GBE1: variants seen among roughly 807,000 people sequenced by gnomAD.
GBE1 encodes the protein 1,4-alpha-glucan-branching enzyme.
Under a neutral mutation model 88.8 loss-of-function variants are expected in GBE1, and 70 were observed. That is an observed-to-expected ratio of 0.79 (90% confidence interval 0.65 to 0.96). The LOEUF (loss-of-function observed/expected upper bound fraction) is 0.96. GBE1 is among the 40% of genes least tolerant of loss of function. The probability of loss-of-function intolerance (pLI) is 0.00; values close to 1 mark genes in which losing one functional copy is unlikely to be tolerated. For synonymous variants in GBE1, 284 were observed against 300.1 expected (o/e 0.95, Z 0.56); for missense variants, 872 against 871.0 (o/e 1.00, Z -0.01).
chr3:81,597,505 A>C (rs191394859), intron 7 of GBE1, among the ~76,000 whole-genome samples: 244 of 146,022 alleles, frequency 1.7e-3, no homozygotes, highest in African/African-American at 5.9e-3. Flanking sequence ...ATATATATAT[A>C]TCTCATTGGT....
intron 2 of GBE1, among the ~76,000 whole-genome samples, chr3:81,689,623 G>T (rs1705489531): frequency 6.6e-6 from 1 of 152,044 alleles, no homozygotes; most frequent in South Asian, 2.1e-4. Flanking sequence ...AAGGCCCTGC[G>T]TTATCATCTC....
chr3:81,542,018 T>G (rs1703148620), intron 12 of GBE1, among the ~76,000 whole-genome samples: 1 of 152,114 alleles, frequency 6.6e-6, no homozygotes, highest in Admixed American at 6.6e-5. Flanking sequence ...AATCTGTTTT[T>G]CTTTTGATAA....
intron 7 of GBE1, among the ~76,000 whole-genome samples, chr3:81,628,742 C>CATATATATAT (rs71108330): frequency 0.015 from 946 of 65,198 alleles, 39 homozygotes; most frequent in Non-Finnish European, 0.016. Context: ...AGAACAATTG[C>CATATATATAT]ATATATATAT....
intron 12 of GBE1, among the ~76,000 whole-genome samples, chr3:81,540,627 A>G (rs1288690275): frequency 6.6e-6 from 1 of 152,092 alleles, no homozygotes; most frequent in East Asian, 1.9e-4. Flanking sequence ...CTTTCTTTAA[A>G]GTGCTGAAGT....
chr3:81,718,942 G>GT (rs1705981563), intron 1 of GBE1, among the ~76,000 whole-genome samples: 3 of 151,824 alleles, frequency 2.0e-5, no homozygotes, highest in African/African-American at 4.8e-5. Context: ...GCCCACCCCA[G>GT]TAAGTTTTGC....
intron 7 of GBE1, among the ~76,000 whole-genome samples, chr3:81,623,284 T>G (rs537101544): frequency 5.9e-5 from 9 of 152,194 alleles, no homozygotes; most frequent in Non-Finnish European, 1.3e-4. Context: ...GACTTCACAA[T>G]TGCTTTTCTC....
chr3:81,650,790 G>C (rs567825889), intron 3 of GBE1, among the ~76,000 whole-genome samples: 1 of 152,014 alleles, frequency 6.6e-6, no homozygotes, highest in Admixed American at 6.6e-5. Flanking sequence ...TCAGCCTTTC[G>C]AGGAGCTGGG....
rs530860063 is a variant in GBE1, at chr3:81,567,347, G to C, written c.1618+10578C>G. 3.3e-5 allele frequency among the ~76,000 whole-genome samples: 5 copies of C among 152,196 alleles called. No individual in the cohort carries two copies. In the South Asian group the frequency reaches 8.3e-4, roughly 25 times the overall value. ...GATATCAGTGTTCCTCTGGGATCCT[G>C]GACTTTCTTTTCTTCCTGGTTCATG... On this transcript the variant is annotated intron_variant, in intron 12 of 15. Coordinates refer to ENST00000429644, the MANE Select transcript of GBE1 (RefSeq NM_000158.4).
At chr3:81,555,354 G>A (rs1319454156) in intron 12 of GBE1, among the ~76,000 whole-genome samples, 3 of 151,956 alleles carry the variant, frequency 2.0e-5, no homozygotes, top group Admixed American at 1.3e-4. Flanking sequence ...CCTCCATATA[G>A]GTAAACCATA....
chr3:81,678,252 T>C (rs1705290616), intron 2 of GBE1, among the ~76,000 whole-genome samples: 1 of 152,122 alleles, frequency 6.6e-6, no homozygotes, highest in Non-Finnish European at 1.5e-5. Flanking sequence ...TATCTAAACA[T>C]TAAAAAGGTG....
rs376341960 is a variant in GBE1 at position 81,622,424 on chromosome 3, C to G, written c.992+20357G>C. On this transcript the variant is annotated intron_variant, in intron 7 of 15. Transcript: ENST00000429644. Reference sequence around the variant, plus strand: ...CAGCTTCTGTTTTTCTTCCTGACCTCTTTATGTTAGAGTAACTTGGAGCTC... The same window carrying G: ...CAGCTTCTGTTTTTCTTCCTGACCTGTTTATGTTAGAGTAACTTGGAGCTC... Among the ~76,000 whole-genome samples the G allele has an allele frequency of 8.5e-5, 13 of 152,290 alleles. 1 individual carries two copies. The East Asian group carries it at 9.6e-4, about 11-fold the overall frequency.
At chr3:81,527,799 G>C (rs1395007341) in intron 14 of GBE1, among the ~76,000 whole-genome samples, 2 of 152,126 alleles carry the variant, frequency 1.3e-5, no homozygotes, top group East Asian at 3.9e-4. Flanking sequence ...CATTGTGGAA[G>C]ACAGTGTGGC....
chr3:81,723,574 G>T (rs946281321), intron 1 of GBE1, among the ~76,000 whole-genome samples: 2 of 152,074 alleles, frequency 1.3e-5, no homozygotes, highest in South Asian at 4.1e-4. Context: ...GTTGCACAGA[G>T]AATCCCAGTG....
rs1320711922 is a variant in GBE1, at chr3:81,670,903, A to G, written c.364T>C (p.Trp122Arg). ...TGCTTTGGTGGGATATACAGCTCCC[A>G]TTTTCCATAATCCAGTTTTTTGTAT... ...YPYKKLDYGK[W>R]ELYIPPKQNK... Residue 122 changes from tryptophan (W) to arginine (R), a missense_variant, in exon 3 of 16, where the codon TGG becomes CGG. By Grantham distance (101) the Trp-to-Arg change is moderately radical. Transcript: ENST00000429644. 1 of 1,575,720 alleles carries G rather than the reference A, an allele frequency of 6.3e-7. No homozygotes were observed. Among genetic ancestry groups the G allele is most frequent in the Non-Finnish European group, 8.6e-7 (1 of 1,164,806 alleles).
intron 1 of GBE1, among the ~76,000 whole-genome samples, chr3:81,750,561 A>G (rs1342868161): frequency 3.7e-5 from 3 of 81,990 alleles, no homozygotes; most frequent in African/African-American, 6.4e-5. Flanking sequence ...GTATATATAT[A>G]TGTATATATA....
chr3:81,513,959 C>T (rs820268), intron 14 of GBE1, among the ~76,000 whole-genome samples: 52,201 of 151,434 alleles, frequency 0.34, 10,867 homozygotes, highest in South Asian at 0.55. Flanking sequence ...GCAATGAGAG[C>T]AAATTTCTTT....
At chr3:81,756,200 C>T (rs1445291995) in intron 1 of GBE1, among the ~76,000 whole-genome samples, 1 of 152,148 alleles carries the variant, frequency 6.6e-6, no homozygotes, top group African/African-American at 2.4e-5. Context: ...ATGAAAGTAT[C>T]TAATTAAGAA....
chr3:81,606,651 T>G (rs778593509), intron 7 of GBE1, among the ~76,000 whole-genome samples: 1 of 152,226 alleles, frequency 6.6e-6, no homozygotes, highest in African/African-American at 2.4e-5. Context: ...TTACCAGCTA[T>G]ACTCTCTGCC....
At chr3:81,688,129 A>G (rs1705465668) in intron 2 of GBE1, among the ~76,000 whole-genome samples, 1 of 152,224 alleles carries the variant, frequency 6.6e-6, no homozygotes, top group African/African-American at 2.4e-5. Context: ...ATTGTTACAC[A>G]AAGTATGGAA....
Sources: allele counts gnomAD v4.1 joint callset (sites outside exome capture counted in the v4.1 genomes callset), GRCh38; gene constraint gnomAD v4.1.1; transcripts MANE v1.5; gene names NCBI Gene and HGNC (gene_info 2026-07-23, HGNC 2026-07-21).